The following CCDC88A variants were observed in gnomAD, a reference collection of about 807,000 sequenced individuals.
CCDC88A encodes the protein coiled-coil and HOOK domain protein 88A, also known as girdin.
A neutral mutation model predicts 234.3 loss-of-function variants in CCDC88A; 54 were observed. The observed-to-expected ratio is 0.23, with a 90% CI of 0.19 to 0.29. CCDC88A has a LOEUF of 0.29. CCDC88A is among the 10% of genes least tolerant of loss of function. The pLI, the probability that CCDC88A is intolerant of heterozygous loss-of-function variation, is 1.00. For missense variants in CCDC88A, 1,832 were observed against 2,123.4 expected, an observed-to-expected ratio of 0.86 and a Z score of 2.70; for synonymous variants, 753 against 737.8, an observed-to-expected ratio of 1.02 and a Z score of -0.33.
Position 55,331,203 on chromosome 2 carries a change from A to G in CCDC88A, c.2855+1363T>C, listed in dbSNP as rs973252876. On this transcript the variant is annotated intron_variant, in intron 16 of 32. Coordinates refer to ENST00000436346, the MANE Select transcript of CCDC88A (RefSeq NM_001365480.1). Reference sequence around the variant, plus strand: ...TAGTAGGTAATAAATCTGTTTGAATAAAGAGGGGATGCATATTCAGTATCT... The same window carrying G: ...TAGTAGGTAATAAATCTGTTTGAATGAAGAGGGGATGCATATTCAGTATCT... 5.9e-5 allele frequency among the ~76,000 whole-genome samples: 9 copies of G among 152,352 alleles called. No homozygotes were observed. The East Asian group carries it at 1.5e-3, about 26-fold the overall frequency.
At chr2:55,377,399 C>T (rs1191083566) in intron 3 of CCDC88A, among the ~76,000 whole-genome samples, 1 of 151,704 alleles carries the variant, frequency 6.6e-6, no homozygotes, top group Admixed American at 6.6e-5. Flanking sequence ...CTCAAGCAAT[C>T]CTCCTGTCTT....
intron 8 of CCDC88A, chr2:55,355,191 TA>T (rs1670403283): frequency 5.4e-6 from 1 of 185,740 alleles, no homozygotes; most frequent in African/African-American, 2.4e-5. Context: ...TTTAAAACAT[TA>T]AATTTTGGGG....
intron 31 of CCDC88A, chr2:55,294,788 G>A (rs1679824388): frequency 6.0e-6 from 6 of 1,007,880 alleles, no homozygotes; most frequent in Non-Finnish European, 5.9e-6. Context: ...AATCTTATCA[G>A]GCAACAAAAA....
In CCDC88A at chr2:55,335,039, T is replaced by C. The variant is rs777232320; in HGVS notation, c.1782A>G (p.Glu594=). The C allele has an allele frequency of 6.2e-7, 1 of 1,611,374 alleles. No individual in the cohort carries two copies. The highest frequency in any genetic ancestry group is 1.1e-5 in the South Asian group (1 of 90,682). The change falls in exon 15 of 33, where the codon GAA becomes GAG. Residue 594 remains glutamate, a synonymous_variant. Transcript: ENST00000436346. This position sits in a 1 kb window ranked among gnomAD's most constrained non-coding sequence, Gnocchi z 4.5. ...GCTTGCTACTTGTTTCTTTGATAGA[T>C]TCATGAAGAATTTTGTTTTCTTTTT... ...DIEKENKILH[E]SIKETSSKLS...
chr2:55,326,691 T>A (rs1684309089), intron 17 of CCDC88A, among the ~76,000 whole-genome samples: 1 of 152,122 alleles, frequency 6.6e-6, no homozygotes. Flanking sequence ...GCCTCCTGGG[T>A]AGCTGGCTGG....
Position 55,419,010 on chromosome 2 carries a change from C to G in CCDC88A, c.63+7G>C. The G allele has an allele frequency of 6.2e-7, 1 of 1,611,668 alleles. No individual in the cohort carries two copies. The highest frequency in any genetic ancestry group is 1.3e-5 in the African/African-American group (1 of 74,962). ...GCAAAATATACAATAAAGGACACCC[C>G]ACTTACCCAAGTGACCAAAGGGCTG... is the stretch of plus-strand genomic sequence containing the variant. On this transcript the variant is annotated splice_region_variant and intron_variant, in intron 1 of 32. Transcript: ENST00000436346.
At chr2:55,310,859 C>G (rs1682263810) in intron 23 of CCDC88A, among the ~76,000 whole-genome samples, 1 of 152,164 alleles carries the variant, frequency 6.6e-6, no homozygotes, top group African/African-American at 2.4e-5. Context: ...TTCGTTTTTC[C>G]TTTTACTTGT....
chr2:55,298,645 G>A (rs1379046009), intron 29 of CCDC88A, among the ~76,000 whole-genome samples: 1 of 152,048 alleles, frequency 6.6e-6, no homozygotes, highest in Non-Finnish European at 1.5e-5. Flanking sequence ...TGGATGAGGT[G>A]CCTCACTTGA....
chr2:55,415,389 G>A (rs2045136), intron 2 of CCDC88A, among the ~76,000 whole-genome samples: 123,616 of 151,840 alleles, frequency 0.81, 51,219 homozygotes, highest in Admixed American at 0.9. Flanking sequence ...CAACTGGGGG[G>A]AAAAAAAGAC....
At chr2:55,394,860 T>G (rs192633548) in intron 2 of CCDC88A, among the ~76,000 whole-genome samples, 21 of 152,174 alleles carry the variant, frequency 1.4e-4, no homozygotes, top group South Asian at 6.2e-4. Flanking sequence ...TTTTGTTTTT[T>G]TTTGAGATGG....
Position 55,401,499 on chromosome 2 carries a change from CATATAT to C in CCDC88A, c.165-12619_165-12614del, listed in dbSNP as rs70954117. On this transcript the variant is annotated intron_variant, in intron 2 of 32. Transcript: ENST00000436346. ...GTGTGTATGTATGTGTGTGTGTATA[CATATAT>C]ATATATATATATATATATATATATA... is the stretch of plus-strand genomic sequence containing the variant. Among the ~76,000 whole-genome samples, 123 of 54,604 alleles carry C rather than the reference CATATAT, an allele frequency of 2.3e-3. 2 individuals are homozygous for C. The highest frequency in any genetic ancestry group is 7.9e-3 in the Middle Eastern group (1 of 126). 35.8% of individuals were successfully genotyped at this position (54,604 alleles called of 152,430 possible). A position where few individuals can be genotyped will look rare whatever the true frequency, so the allele number is the denominator to read the frequency against.
chr2:55,301,934 A>T lies in CCDC88A; in HGVS notation c.4610T>A (p.Ile1537Asn), dbSNP rs1220004644. ...AGAAGAGTTGACAGTTGAAAAGTTGATGGCTGTAGTAGAGAAGGCCATAGC... is the reference window on the plus strand; with the variant it reads ...AGAAGAGTTGACAGTTGAAAAGTTGTTGGCTGTAGTAGAGAAGGCCATAGC... ...LGAMAFSTTA[I>N]NFSTVNSSAG... The change falls in exon 27 of 33, where the codon ATC (isoleucine) becomes AAC (asparagine). Residue 1537 changes from isoleucine (I) to asparagine (N), a missense_variant. This residue lies in a region of CCDC88A where 422 missense variants were observed against 416.5 expected (regional missense o/e 1.01). Coordinates refer to ENST00000436346, the MANE Select transcript of CCDC88A (RefSeq NM_001365480.1). 6.2e-7 allele frequency: 1 copy of T among 1,614,068 alleles called. No homozygotes were observed. The highest frequency in any genetic ancestry group is 8.5e-7 in the Non-Finnish European group (1 of 1,180,044).
intron 12 of CCDC88A, chr2:55,340,446 A>T (rs1451184525): frequency 6.6e-6 from 1 of 152,246 alleles, no homozygotes; most frequent in Non-Finnish European, 1.5e-5. Flanking sequence ...ATATTTAAGT[A>T]AAGAAAATCT....
chr2:55,299,805 A>G (rs1293516499), intron 29 of CCDC88A, 34 bp downstream of exon 29: 1 of 1,377,942 alleles, frequency 7.3e-7, no homozygotes, highest in Admixed American at 1.7e-5. Flanking sequence ...CTGGAAATGG[A>G]TAGAGCGCAT....
In CCDC88A at chr2:55,334,350, G is replaced by A; in HGVS notation, c.2471C>T (p.Thr824Ile). The change falls in exon 15 of 33, where the codon ACT (threonine) becomes ATT (isoleucine). Residue 824 changes from threonine to isoleucine, a missense_variant. Transcript: ENST00000436346. The surrounding 1 kb of genome is among the most constrained non-coding windows in gnomAD (Gnocchi z 6.1). ...TTTCTTATCCTTTTCCAGTTGAGAA[G>A]TCTCTTGCTCTAATGATTTATTTTC... is the stretch of plus-strand genomic sequence containing the variant. ...EKENKSLEQETSQLEKDKKQL... is the reference protein window; with the variant it reads ...EKENKSLEQEISQLEKDKKQL... 9.8e-6 allele frequency: 15 copies of A among 1,529,120 alleles called. No homozygotes were observed. Among genetic ancestry groups the A allele is most frequent in the Non-Finnish European group, 1.3e-5 (15 of 1,146,754 alleles). The allele number at this position is 1,529,120 out of a possible 1,614,324, so 94.7% of individuals were successfully genotyped here.
chr2:55,293,130 T>G (rs984272400), intron 31 of CCDC88A, among the ~76,000 whole-genome samples: 2 of 152,168 alleles, frequency 1.3e-5, no homozygotes, highest in African/African-American at 4.8e-5. Flanking sequence ...TAGCATGTGA[T>G]TTTTCAATGA....
chr2:55,366,885 T>C (rs185820601), intron 5 of CCDC88A, among the ~76,000 whole-genome samples: 1 of 152,204 alleles, frequency 6.6e-6, no homozygotes, highest in African/African-American at 2.4e-5. Flanking sequence ...AAACCGATAA[T>C]ATAGGTCTAA....
chr2:55,332,536 A>T lies in CCDC88A; in HGVS notation c.2855+30T>A. ...TGAGCAAAAAAAAAAAAAAATTTTC[A>T]ACTGTTTGCCAAGTAGACTTAGTAC... is the stretch of plus-strand genomic sequence containing the variant. On this transcript the variant is annotated intron_variant, in intron 16 of 32. Coordinates refer to ENST00000436346, the MANE Select transcript of CCDC88A (RefSeq NM_001365480.1). The surrounding 1 kb of genome is among the most constrained non-coding windows in gnomAD (Gnocchi z 4.5). The T allele has an allele frequency of 6.3e-7, 1 of 1,582,942 alleles. No homozygotes were observed. The highest frequency in any genetic ancestry group is 8.5e-7 in the Non-Finnish European group (1 of 1,169,616).
In CCDC88A at chr2:55,328,555, G is replaced by A; in HGVS notation, c.2856-120C>T. 1 of 623,974 alleles carries A rather than the reference G, an allele frequency of 1.6e-6. No individual in the cohort carries two copies. Among genetic ancestry groups the A allele is most frequent in the Non-Finnish European group, 2.5e-6 (1 of 392,878 alleles). 38.7% of individuals were successfully genotyped at this position (623,974 alleles called of 1,614,324 possible). ...GTCTTATAAAAGCATTTTTGTTAAAGAGGCAAATGAAATTATCCTCTTCTT... is the reference window on the plus strand; with the variant it reads ...GTCTTATAAAAGCATTTTTGTTAAAAAGGCAAATGAAATTATCCTCTTCTT... On this transcript the variant is annotated intron_variant, in intron 16 of 32. Transcript: ENST00000436346. The surrounding 1 kb of genome is among the most constrained non-coding windows in gnomAD (Gnocchi z 4.3).
Sources: gnomAD v4.1 joint callset for allele counts (sites outside exome capture counted in the v4.1 genomes callset) on GRCh38, gnomAD v4.1.1 for gene constraint, gnomAD v4.1.1 regional missense constraint, Gnocchi (gnomAD v3.1) non-coding constraint, MANE v1.5 for transcripts, NCBI Gene and HGNC (gene_info 2026-07-23, HGNC 2026-07-21) for gene names.